The following FSD2 variants were observed in gnomAD, a reference collection of about 807,000 sequenced individuals.
The protein encoded by FSD2 is fibronectin type III and SPRY domain-containing protein 2.
Under a neutral mutation model 80.4 loss-of-function variants are expected in FSD2, and 71 were observed. The observed-to-expected ratio is 0.88, with a 90% CI of 0.73 to 1.08. The LOEUF (loss-of-function observed/expected upper bound fraction) is 1.08, where lower values mean the gene tolerates loss of function less well. Among genes scored for constraint, FSD2 ranks in the 50% least tolerant of loss-of-function variants. The pLI, the probability that FSD2 is intolerant of heterozygous loss-of-function variation, is 0.00. For missense variants in FSD2, 923 were observed against 913.8 expected, an observed-to-expected ratio of 1.01 and a Z score of -0.13; for synonymous variants, 361 against 329.5, an observed-to-expected ratio of 1.10 and a Z score of -1.03.
rs368352558 is a variant in FSD2, at chr15:82,759,318, G to A, written c.*30C>T. 28 of 1,606,608 alleles carry A rather than the reference G, an allele frequency of 1.7e-5. No homozygotes were observed. Among genetic ancestry groups the A allele is most frequent in the Non-Finnish European group, 2.0e-5 (24 of 1,176,886 alleles). ...GAGCAGCTGCGAGAGGGGTAGGCATGGAAGACAGGAAACTGGACATCAGAA... is the reference window on the plus strand; with the variant it reads ...GAGCAGCTGCGAGAGGGGTAGGCATAGAAGACAGGAAACTGGACATCAGAA... On this transcript the variant is annotated 3_prime_UTR_variant, in exon 13 of 13. Transcript: ENST00000334574.
intron 4 of FSD2, 44 bp from the exon 5 acceptor site, chr15:82,780,311 A>G (rs1002938699): frequency 1.2e-5 from 16 of 1,380,184 alleles, no homozygotes; most frequent in Non-Finnish European, 1.6e-5. Context: ...TTTGGAAATA[A>G]ATTTCTTTTT....
At chr15:82,768,844 G>A in intron 9 of FSD2, 36 bp downstream of exon 9, 1 of 1,428,230 alleles carries the variant, frequency 7.0e-7, no homozygotes, top group Non-Finnish European at 9.2e-7. Flanking sequence ...TCAGGTGTCA[G>A]GGCTCTCGTG....
At chr15:82,791,744 C>T (rs758007223) in intron 1 of FSD2, among the ~76,000 whole-genome samples, 7 of 152,140 alleles carry the variant, frequency 4.6e-5, no homozygotes, top group Non-Finnish European at 8.8e-5. Context: ...AGCATTCCCC[C>T]ATCTCCCCTA....
chr15:82,800,097 C>T (rs960043031), intron 1 of FSD2, among the ~76,000 whole-genome samples: 1 of 152,120 alleles, frequency 6.6e-6, no homozygotes, highest in Non-Finnish European at 1.5e-5. Flanking sequence ...CCCATGGCCT[C>T]GGGAAGAAGA....
Position 82,783,029 on chromosome 15 carries a change from C to A in FSD2, c.736-4G>T, listed in dbSNP as rs372164128. On this transcript the variant is annotated splice_region_variant and splice_polypyrimidine_tract_variant and intron_variant, in intron 3 of 12. Coordinates refer to ENST00000334574, the MANE Select transcript of FSD2 (RefSeq NM_001007122.4). The stretch of plus-strand genomic sequence containing the variant: ...GTTCTTGTTTTCCAAAATTCTCCTG[C>A]AAGACAGTTGATCTCAGTCATCATT... 1.9e-6 allele frequency: 3 copies of A among 1,597,464 alleles called. No homozygotes were observed. Among genetic ancestry groups the A allele is most frequent in the Non-Finnish European group, 2.6e-6 (3 of 1,167,014 alleles).
Position 82,772,472 on chromosome 15 carries a change from G to A in FSD2, c.1112-244C>T, listed in dbSNP as rs1434909134. ...GCTTAAGGAGCAGGGGTCGGTGACA[G>A]GGACTCAGGCCAAGGCATAGATTGC... On this transcript the variant is annotated intron_variant, in intron 6 of 12. Transcript: ENST00000334574. 2.6e-5 allele frequency among the ~76,000 whole-genome samples: 4 copies of A among 152,188 alleles called. No individual in the cohort carries two copies. The East Asian group carries it at 7.7e-4, about 29-fold the overall frequency.
At chr15:82,777,434 G>A (rs1211452124) in intron 6 of FSD2, among the ~76,000 whole-genome samples, 2 of 152,114 alleles carry the variant, frequency 1.3e-5, no homozygotes, top group African/African-American at 4.8e-5. Context: ...CCCCAAAGAA[G>A]ACATATAAAT....
intron 12 of FSD2, among the ~76,000 whole-genome samples, chr15:82,760,321 A>T (rs1042759071): frequency 6.6e-6 from 1 of 152,212 alleles, no homozygotes; most frequent in Non-Finnish European, 1.5e-5. Flanking sequence ...AAACTTTCAT[A>T]TTGAGTGGGG....
chr15:82,800,050 C>T (rs1007391320), intron 1 of FSD2, among the ~76,000 whole-genome samples: 9 of 152,168 alleles, frequency 5.9e-5, no homozygotes, highest in Non-Finnish European at 1.3e-4. Context: ...CCAGTTTCAT[C>T]CCTCTTCCTC....
At chr15:82,767,230 G>A (rs1322592337) in intron 9 of FSD2, among the ~76,000 whole-genome samples, 2 of 152,196 alleles carry the variant, frequency 1.3e-5, no homozygotes, top group African/African-American at 4.8e-5. Context: ...ACCAAGACAA[G>A]TTGATAGTGT....
At chr15:82,794,856 C>T (rs1189239341) in intron 1 of FSD2, among the ~76,000 whole-genome samples, 1 of 151,946 alleles carries the variant, frequency 6.6e-6, no homozygotes, top group Non-Finnish European at 1.5e-5. Flanking sequence ...TCCCGAGTAG[C>T]TGGGACTACA....
intron 7 of FSD2, among the ~76,000 whole-genome samples, chr15:82,770,754 T>C (rs1180795691): frequency 6.6e-6 from 1 of 152,168 alleles, no homozygotes; most frequent in Non-Finnish European, 1.5e-5. Flanking sequence ...GGTTTGGTTA[T>C]GCAGCAAAAA....
intron 1 of FSD2, among the ~76,000 whole-genome samples, chr15:82,800,691 C>CAA (rs769762172): frequency 0.016 from 763 of 47,580 alleles, 46 homozygotes; most frequent in African/African-American, 0.044. Flanking sequence ...GATTCTGTCT[C>CAA]AAAAAAAAAA....
chr15:82,765,124 G>T (rs368888598), intron 11 of FSD2, 42 bp downstream of exon 11: 7 of 1,553,976 alleles, frequency 4.5e-6, no homozygotes, highest in Non-Finnish European at 6.1e-6. Context: ...GTGCACCTTC[G>T]GGAAGTTCAC....
intron 12 of FSD2, among the ~76,000 whole-genome samples, chr15:82,761,008 C>G (rs1316598854): frequency 6.6e-6 from 1 of 152,202 alleles, no homozygotes; most frequent in Non-Finnish European, 1.5e-5. Context: ...AATAAAGTAT[C>G]TGCCTCAGTG....
rs572990788 is a variant in FSD2 at position 82,791,370 on chromosome 15, A to T, written c.-78-3902T>A. Among the ~76,000 whole-genome samples the T allele has an allele frequency of 1.1e-4, 16 of 147,412 alleles. No individual in the cohort carries two copies. In the East Asian group the frequency reaches 3.3e-3, roughly 31 times the overall value. ...AGTCAATTTCACAGCATGTATTTTTAAATTTTTAAAATTTTTTTGAGACAT... is the reference window on the plus strand; with the variant it reads ...AGTCAATTTCACAGCATGTATTTTTTAATTTTTAAAATTTTTTTGAGACAT... On this transcript the variant is annotated intron_variant, in intron 1 of 12. Transcript: ENST00000334574.
chr15:82,772,200 C>T lies in FSD2; in HGVS notation c.1140G>A (p.Gln380=). The change falls in exon 7 of 13, where the codon CAG becomes CAA. Residue 380 remains glutamine, a synonymous_variant. Transcript: ENST00000334574. ...PAPSAPVINP[Q]VPNSATGSSV... ...AGGAACCTGTGGCTGAGTTAGGGACCTGTGGATTTATGACTGGAGCAGAAG... is the reference window on the plus strand; with the variant it reads ...AGGAACCTGTGGCTGAGTTAGGGACTTGTGGATTTATGACTGGAGCAGAAG... The T allele has an allele frequency of 6.2e-7, 1 of 1,612,384 alleles. No individual in the cohort carries two copies. Among genetic ancestry groups the T allele is most frequent in the Non-Finnish European group, 8.5e-7 (1 of 1,179,342 alleles).
intron 6 of FSD2, among the ~76,000 whole-genome samples, chr15:82,776,252 A>G (rs192260129): frequency 2.0e-5 from 3 of 152,224 alleles, no homozygotes; most frequent in African/African-American, 7.2e-5. Context: ...ACACCACTAT[A>G]CTCCAGGCTG....
rs763408203 is a variant in FSD2 at position 82,786,935 on chromosome 15, G to A, written c.456C>T (p.Tyr152=). Reference sequence around the variant, plus strand: ...ACTCCTCGCTGGCACGGCCGTGTGTGTACCTATAGGCTTCCCGCAAGTCCT... The same window carrying A: ...ACTCCTCGCTGGCACGGCCGTGTGTATACCTATAGGCTTCCCGCAAGTCCT... ...QCQDLREAYR[Y]THGRASEEYE... Residue 152 remains tyrosine (Y), a synonymous_variant, in exon 2 of 13, where the codon TAC becomes TAT. Coordinates refer to ENST00000334574, the MANE Select transcript of FSD2 (RefSeq NM_001007122.4). The A allele has an allele frequency of 6.2e-7, 1 of 1,614,016 alleles. No individual in the cohort carries two copies. Among genetic ancestry groups the A allele is most frequent in the East Asian group, 2.2e-5 (1 of 44,878 alleles).
Sources: gnomAD v4.1 joint callset for allele counts (sites outside exome capture counted in the v4.1 genomes callset) on GRCh38, gnomAD v4.1.1 for gene constraint, MANE v1.5 for transcripts, NCBI Gene and HGNC (gene_info 2026-07-23, HGNC 2026-07-21) for gene names.